ZKSCAN5: variants seen among roughly 807,000 people sequenced by gnomAD.
ZKSCAN5 encodes zinc finger protein with KRAB and SCAN domains 5.
A neutral mutation model predicts 60.0 loss-of-function variants in ZKSCAN5; 28 were observed. That is an observed-to-expected ratio of 0.47 (90% CI 0.35 to 0.64). ZKSCAN5 has a LOEUF of 0.64. Ranked by LOEUF, ZKSCAN5 falls within the 30% of genes least tolerant of loss-of-function variation. The pLI, the probability that ZKSCAN5 is intolerant of heterozygous loss-of-function variation, is 0.01. For synonymous variants in ZKSCAN5, 361 were observed against 371.2 expected (o/e 0.97, Z 0.31); for missense variants, 881 against 1,034.6 (o/e 0.85, Z 2.04).
chr7:99,519,253 C>T lies in ZKSCAN5; in HGVS notation c.554-574C>T, dbSNP rs550487096. Among the ~76,000 whole-genome samples, 5 of 147,720 alleles carry T rather than the reference C, an allele frequency of 3.4e-5. No individual in the cohort carries two copies. The East Asian group carries it at 8.1e-4, about 24-fold the overall frequency. ...CCTCCCAAAGTACTAGGATTACAGG[C>T]GTGAGCCACCACGCCCAGTATTTTT... On this transcript the variant is annotated intron_variant, in intron 3 of 6. Coordinates refer to ENST00000326775, the MANE Select transcript of ZKSCAN5 (RefSeq NM_145102.4).
intron 6 of ZKSCAN5, among the ~76,000 whole-genome samples, chr7:99,529,038 C>T (rs1234349561): frequency 1.3e-5 from 2 of 152,180 alleles, no homozygotes; most frequent in Non-Finnish European, 2.9e-5. Context: ...GCCTTATTTC[C>T]TGACTCCTAG....
At position 99,525,975 on chromosome 7, in the gene ZKSCAN5, A is replaced by C. The variant is rs757882579; in HGVS notation, c.935A>C (p.Asn312Thr). The C allele has an allele frequency of 6.2e-7, 1 of 1,614,038 alleles. No homozygotes were observed. Among genetic ancestry groups the C allele is most frequent in the Non-Finnish European group, 8.5e-7 (1 of 1,180,020 alleles). ...GGCATGGTACAAAGGTGGCAGGTCA[A>C]CCCCACTGTGGGGAAATCAAGGCAG... ...LKGMVQRWQV[N>T]PTVGKSRQNP... Residue 312 changes from asparagine (N) to threonine (T), a missense_variant, in exon 6 of 7, where the codon AAC (asparagine) becomes ACC (threonine). Asn to Thr is a moderately conservative substitution (Grantham distance 65). Coordinates refer to ENST00000326775, the MANE Select transcript of ZKSCAN5 (RefSeq NM_145102.4).
chr7:99,519,834 T>C lies in ZKSCAN5; in HGVS notation c.561T>C (p.Pro187=). The C allele has an allele frequency of 6.2e-7, 1 of 1,614,038 alleles. No homozygotes were observed. The highest frequency in any genetic ancestry group is 8.5e-7 in the Non-Finnish European group (1 of 1,180,024). The part of the protein sequence containing the change: ...KPRLLEENAL[P]VLQVPSLPLK... ...CTTTTTCTCCTCCCTTAGCCCTTCC[T>C]GTTCTCCAAGTTCCTTCCCTTCCCC... The change falls in exon 4 of 7, where the codon CCT becomes CCC. Residue 187 remains proline, a synonymous_variant. Transcript: ENST00000326775.
chr7:99,511,813 G>A (rs1189072081), intron 2 of ZKSCAN5, among the ~76,000 whole-genome samples: 8 of 148,054 alleles, frequency 5.4e-5, no homozygotes, highest in East Asian at 2.0e-4. Flanking sequence ...TTTTTGAGAC[G>A]GAGTCTCGCT....
At chr7:99,514,072 A>T (rs1157340769) in intron 3 of ZKSCAN5, among the ~76,000 whole-genome samples, 1 of 152,128 alleles carries the variant, frequency 6.6e-6, no homozygotes, top group African/African-American at 2.4e-5. Flanking sequence ...CTGTCACACA[A>T]TGCTTTTAGC....
rs368058623 is a variant in ZKSCAN5, at chr7:99,526,191, A to C, written c.1151A>C (p.Asn384Thr). ...FKCGECGKSY[N>T]QRVHLTQHQR... The stretch of plus-strand genomic sequence containing the variant: ...TGCGGAGAATGTGGGAAGAGCTACA[A>C]TCAGCGGGTGCACCTCACCCAGCAC... Residue 384 changes from asparagine to threonine, a missense_variant, in exon 6 of 7, where the codon AAT (asparagine) becomes ACT (threonine). This residue lies in a region of ZKSCAN5 where 490 missense variants were observed against 554.5 expected (regional missense o/e 0.88). Transcript: ENST00000326775. The C allele has an allele frequency of 3.7e-6, 6 of 1,614,170 alleles. No homozygotes were observed. In the Admixed American group the frequency reaches 8.3e-5, roughly 22 times the overall value.
chr7:99,515,431 G>T (rs1801221232), intron 3 of ZKSCAN5, among the ~76,000 whole-genome samples: 1 of 151,584 alleles, frequency 6.6e-6, no homozygotes, highest in African/African-American at 2.4e-5. Flanking sequence ...AAACTGCTCA[G>T]AAAAGAAATG....
chr7:99,531,065 AAAAG>A (rs1206870821), intron 6 of ZKSCAN5, 39 bp from the exon 7 acceptor site: 2 of 1,526,262 alleles, frequency 1.3e-6, no homozygotes, highest in African/African-American at 1.4e-5. Context: ...TCAAAAAAAA[AAAAG>A]AACTGATGAC....
At position 99,533,453 on chromosome 7, in the gene ZKSCAN5, G is replaced by GA. The variant is rs373331066; in HGVS notation, c.*1205dup. 5.6e-5 allele frequency: 30 copies of GA among 534,928 alleles called. No homozygotes were observed. Among genetic ancestry groups the GA allele is most frequent in the African/African-American group, 3.6e-4 (19 of 53,366 alleles). The allele number at this position is 534,928 out of a possible 1,614,324, so 33.1% of individuals were successfully genotyped here. ...AATAAATGCCCAATAAATATTTGTT[G>GA]ACCATATGTGTTGTACACTGTGGTG... On this transcript the variant is annotated 3_prime_UTR_variant, in exon 7 of 7. Coordinates refer to ENST00000326775, the MANE Select transcript of ZKSCAN5 (RefSeq NM_145102.4).
chr7:99,519,226 G>A (rs532037580), intron 3 of ZKSCAN5, among the ~76,000 whole-genome samples: 81 of 150,548 alleles, frequency 5.4e-4, no homozygotes, highest in Middle Eastern at 3.5e-3. Flanking sequence ...CTCCTGCCTC[G>A]GCCTCCCAAA....
chr7:99,511,994 G>A (rs1371731953), intron 2 of ZKSCAN5, among the ~76,000 whole-genome samples: 4 of 152,034 alleles, frequency 2.6e-5, no homozygotes, highest in African/African-American at 9.7e-5. Flanking sequence ...GGGTTTCACC[G>A]TGTTAGCCAG....
In ZKSCAN5 at chr7:99,533,766, AT is replaced by A; in HGVS notation, c.*1518del. On this transcript the variant is annotated 3_prime_UTR_variant, in exon 7 of 7. Transcript: ENST00000326775. Reference sequence around the variant, plus strand: ...CCGTGCTAAGCTCTCTCCCTTCTCTATCCTGTTTCATTCCCTCCCTCAAAGG... The same window carrying A: ...CCGTGCTAAGCTCTCTCCCTTCTCTACCTGTTTCATTCCCTCCCTCAAAGG... 2.5e-6 allele frequency: 1 copy of A among 397,478 alleles called. No individual in the cohort carries two copies. Among genetic ancestry groups the A allele is most frequent in the Non-Finnish European group, 4.4e-6 (1 of 225,932 alleles). The allele number at this position is 397,478 out of a possible 1,614,324, so 24.6% of individuals were successfully genotyped here. A position where few individuals can be genotyped will look rare whatever the true frequency, so the allele number is the denominator to read the frequency against.
intron 3 of ZKSCAN5, 130 bp downstream of exon 3, chr7:99,512,721 AG>A: frequency 1.6e-6 from 2 of 1,214,036 alleles, no homozygotes; most frequent in Non-Finnish European, 2.2e-6. Context: ...GTCTAGAAGC[AG>A]GGAAAGGCCA....
At chr7:99,510,797 T>C (rs1157606785) in intron 2 of ZKSCAN5, among the ~76,000 whole-genome samples, 1 of 150,586 alleles carries the variant, frequency 6.6e-6, no homozygotes, top group African/African-American at 2.4e-5. Flanking sequence ...GGCTGGAGCA[T>C]TGGTGCAATC....
In ZKSCAN5 at chr7:99,533,939, C is replaced by G; in HGVS notation, c.*1690C>G. On this transcript the variant is annotated 3_prime_UTR_variant, in exon 7 of 7. Coordinates refer to ENST00000326775, the MANE Select transcript of ZKSCAN5 (RefSeq NM_145102.4). ...AGTGGATTGTGGAGTTGGTCACTCG[C>G]CAGGAGGGAGTGAAGACCCGCATCA... The G allele has an allele frequency of 3.9e-6, 1 of 257,180 alleles. No homozygotes were observed. The highest frequency in any genetic ancestry group is 7.3e-6 in the Non-Finnish European group (1 of 136,842). The allele number at this position is 257,180 out of a possible 1,614,324, so 15.9% of individuals were successfully genotyped here.
In ZKSCAN5 at chr7:99,533,258, A is replaced by G. The variant is rs1157339698; in HGVS notation, c.*1009A>G. 3 of 687,570 alleles carry G rather than the reference A, an allele frequency of 4.4e-6. No individual in the cohort carries two copies. The African/African-American group carries it at 5.3e-5, about 12-fold the overall frequency. The allele number at this position is 687,570 out of a possible 1,614,324, so 42.6% of individuals were successfully genotyped here. A position where few individuals can be genotyped will look rare whatever the true frequency, so the allele number is the denominator to read the frequency against. ...GGATTGAAAGTAATCAGTCGTGAGC[A>G]GGCAGGCAGGAGGTCCTGTTAGCCC... On this transcript the variant is annotated 3_prime_UTR_variant, in exon 7 of 7. Transcript: ENST00000326775.
chr7:99,529,970 G>A (rs974306110), intron 6 of ZKSCAN5, among the ~76,000 whole-genome samples: 6 of 148,290 alleles, frequency 4.0e-5, no homozygotes, highest in African/African-American at 1.0e-4. Context: ...TCCTGACCTC[G>A]TGATCCACCC....
At chr7:99,529,910 ATT>A (rs1395627066) in intron 6 of ZKSCAN5, among the ~76,000 whole-genome samples, 2 of 150,302 alleles carry the variant, frequency 1.3e-5, no homozygotes, top group Non-Finnish European at 2.9e-5. Context: ...TAATTTTTGT[ATT>A]TTTAGTAGAG....
intron 5 of ZKSCAN5, among the ~76,000 whole-genome samples, chr7:99,524,382 T>C (rs1278376110): frequency 6.6e-6 from 1 of 151,998 alleles, no homozygotes; most frequent in Non-Finnish European, 1.5e-5. Context: ...CTGATAATTT[T>C]TGTATTTTTT....
Sources: gnomAD v4.1 joint callset for allele counts (sites outside exome capture counted in the v4.1 genomes callset) on GRCh38, gnomAD v4.1.1 for gene constraint, gnomAD v4.1.1 regional missense constraint, MANE v1.5 for transcripts, NCBI Gene and HGNC (gene_info 2026-07-23, HGNC 2026-07-21) for gene names.